The following SNX29 variants were observed in gnomAD, a reference collection of about 807,000 sequenced individuals.
SNX29 encodes sorting nexin-29.
A neutral mutation model predicts 102.1 loss-of-function variants in SNX29; 78 were observed. The observed-to-expected ratio is 0.76, with a 90% confidence interval of 0.64 to 0.92. SNX29 has a LOEUF of 0.92. Among genes scored for constraint, SNX29 ranks in the 40% least tolerant of loss-of-function variants. The pLI is 0.00. For synonymous variants in SNX29, 580 were observed against 414.5 expected (o/e 1.40, Z -4.85); for missense variants, 1,280 against 1,061.7 (o/e 1.21, Z -2.86).
At chr16:12,533,157 C>T (rs1388371401) in intron 20 of SNX29, among the ~76,000 whole-genome samples, 1 of 152,228 alleles carries the variant, frequency 6.6e-6, no homozygotes, top group Admixed American at 6.5e-5. Context: ...CCAGGCAGGG[C>T]CTCTCTCTGA....
intron 15 of SNX29, among the ~76,000 whole-genome samples, chr16:12,303,630 G>T (rs770547321): frequency 6.6e-6 from 1 of 152,238 alleles, no homozygotes; most frequent in Admixed American, 6.5e-5. Context: ...GAGAGGGCCA[G>T]CATTGGAGAG....
At chr16:12,341,580 G>T (rs2081611630) in intron 15 of SNX29, among the ~76,000 whole-genome samples, 1 of 152,272 alleles carries the variant, frequency 6.6e-6, no homozygotes, top group South Asian at 2.1e-4. Flanking sequence ...AAGGGCAACA[G>T]TGGGACTGTT....
intron 1 of SNX29, among the ~76,000 whole-genome samples, chr16:11,981,010 G>A (rs1227566513): frequency 2.0e-5 from 3 of 151,060 alleles, no homozygotes; most frequent in Admixed American, 6.6e-5. Flanking sequence ...ACCCAGGCTG[G>A]AGTGCTGGAG....
chr16:12,298,492 C>G (rs777557835), intron 15 of SNX29, among the ~76,000 whole-genome samples: 11 of 152,140 alleles, frequency 7.2e-5, no homozygotes, highest in Non-Finnish European at 1.2e-4. Context: ...CTCTCTGAGC[C>G]TCAGTTTTCT....
chr16:12,038,291 T>G (rs2057531259), intron 4 of SNX29, among the ~76,000 whole-genome samples: 1 of 152,220 alleles, frequency 6.6e-6, no homozygotes, highest in Non-Finnish European at 1.5e-5. Flanking sequence ...ACAAGGTTTT[T>G]GTCTTCCTTG....
chr16:12,539,031 A>ATGGGGCCCAGAAAG (rs2077204856), intron 20 of SNX29, among the ~76,000 whole-genome samples: 1 of 152,104 alleles, frequency 6.6e-6, no homozygotes, highest in African/African-American at 2.4e-5. Flanking sequence ...TGAATCCAGA[A>ATGGGGCCCAGAAAG]TGGGGCCCAG....
intron 18 of SNX29, among the ~76,000 whole-genome samples, chr16:12,464,229 C>CGTGTGTGTGTGTGT (rs138917966): frequency 0.13 from 18,149 of 140,890 alleles, 1,916 homozygotes; most frequent in African/African-American, 0.31. Flanking sequence ...TATTCCATGG[C>CGTGTGTGTGTGTGT]GTGTGTGTGT....
chr16:12,536,272 TGAG>T lies in SNX29; in HGVS notation c.2318+11434_2318+11436del, dbSNP rs374268935. On this transcript the variant is annotated intron_variant, in intron 20 of 20. Transcript: ENST00000566228. The stretch of plus-strand genomic sequence containing the variant: ...GCATGAGAACTTGCTGTGACAGAGT[TGAG>T]GATGTTTTTCTCACTAGCTCGTTCT... 2.2e-3 allele frequency among the ~76,000 whole-genome samples: 328 copies of T among 152,170 alleles called. 2 individuals carry two copies. Among genetic ancestry groups the T allele is most frequent in the African/African-American group, 7.7e-3 (318 of 41,496 alleles).
intron 15 of SNX29, among the ~76,000 whole-genome samples, chr16:12,285,825 A>G (rs1161274468): frequency 1.3e-5 from 2 of 152,168 alleles, no homozygotes; most frequent in African/African-American, 4.8e-5. Context: ...TGATACTCAA[A>G]ATGAAAGGTA....
At chr16:12,375,524 A>G (rs1048602647) in intron 16 of SNX29, 1 of 152,174 alleles carries the variant, frequency 6.6e-6, no homozygotes, top group African/African-American at 2.4e-5. Context: ...GGGCTCTCCT[A>G]GGGAAGGATC....
intron 13 of SNX29, among the ~76,000 whole-genome samples, chr16:12,181,566 C>G (rs1430966214): frequency 6.6e-6 from 1 of 152,134 alleles, no homozygotes; most frequent in Non-Finnish European, 1.5e-5. Flanking sequence ...CTTGACTTTT[C>G]CCTTTAGCTT....
intron 19 of SNX29, among the ~76,000 whole-genome samples, chr16:12,488,869 C>T (rs1187697103): frequency 6.6e-6 from 1 of 152,230 alleles, no homozygotes; most frequent in African/African-American, 2.4e-5. Context: ...CCCCACTTCA[C>T]TCATTTCAGG....
chr16:12,045,317 CT>C (rs2050042165), intron 5 of SNX29, among the ~76,000 whole-genome samples: 1 of 152,144 alleles, frequency 6.6e-6, no homozygotes, highest in South Asian at 2.1e-4. Context: ...GCGAAATTGA[CT>C]TTTTCCTTGA....
At chr16:12,380,385 CA>C (rs2083036550) in intron 16 of SNX29, among the ~76,000 whole-genome samples, 1 of 90,364 alleles carries the variant, frequency 1.1e-5, no homozygotes. Context: ...TCCACCCACC[CA>C]CCCACCCCTC....
rs28513084 is a variant in SNX29, at chr16:12,042,258, T to C, written c.248-639T>C. Among the ~76,000 whole-genome samples, 181 of 152,308 alleles carry C rather than the reference T, an allele frequency of 1.2e-3. 1 individual carries two copies. The highest frequency in any genetic ancestry group is 4.2e-3 in the African/African-American group (174 of 41,570). ...GTTGGCCAGGCTGGTCTTGAACTCC[T>C]AGCCTCAAGTGATCCACCACATCAG... On this transcript the variant is annotated intron_variant, in intron 4 of 20. Coordinates refer to ENST00000566228, the MANE Select transcript of SNX29 (RefSeq NM_032167.5).
intron 13 of SNX29, among the ~76,000 whole-genome samples, chr16:12,130,874 C>T (rs547386361): frequency 1.3e-5 from 2 of 152,148 alleles, no homozygotes; most frequent in African/African-American, 4.8e-5. Context: ...TGTCTGACTG[C>T]ATCAGAATTC....
intron 1 of SNX29, among the ~76,000 whole-genome samples, chr16:11,993,769 T>A (rs1009521094): frequency 3.9e-5 from 6 of 152,096 alleles, no homozygotes; most frequent in African/African-American, 1.2e-4. Flanking sequence ...GTGGTAAAAA[T>A]TAATGTAGGA....
At chr16:12,157,617 G>T (rs980503249) in intron 13 of SNX29, among the ~76,000 whole-genome samples, 3 of 152,104 alleles carry the variant, frequency 2.0e-5, no homozygotes, top group Non-Finnish European at 4.4e-5. Context: ...TATGAAGCAG[G>T]CTTGATTTTC....
rs1161540231 is a variant in SNX29, at chr16:12,403,523, G to T, written c.2031G>T (p.Val677=). ...GCAAAGCAGCAAATGCATTCCACGTGTATCAGGTGAGTGCCTGGTTTTCAG... is the reference window on the plus strand; with the variant it reads ...GCAAAGCAGCAAATGCATTCCACGTTTATCAGGTGAGTGCCTGGTTTTCAG... ...LRGKAANAFH[V]YQVYIRIKDD... is the part of the protein sequence containing the mutation. Residue 677 remains valine, a synonymous_variant, in exon 18 of 21, where the codon GTG becomes GTT. Coordinates refer to ENST00000566228, the MANE Select transcript of SNX29 (RefSeq NM_032167.5). 2.0e-5 allele frequency: 32 copies of T among 1,604,848 alleles called. No homozygotes were observed. The highest frequency in any genetic ancestry group is 2.7e-5 in the Non-Finnish European group (32 of 1,175,568).
Sources: gnomAD v4.1 joint callset for allele counts (sites outside exome capture counted in the v4.1 genomes callset) on GRCh38, gnomAD v4.1.1 for gene constraint, MANE v1.5 for transcripts, NCBI Gene and HGNC (gene_info 2026-07-23, HGNC 2026-07-21) for gene names.